The following RP1 variants were observed in gnomAD, a reference collection of about 807,000 sequenced individuals.
RP1 encodes the protein oxygen-regulated protein 1.
A neutral mutation model predicts 14.8 loss-of-function variants in RP1; 16 were observed. The observed-to-expected ratio is 1.08, with a 90% CI of 0.73 to 1.65. The LOEUF (loss-of-function observed/expected upper bound fraction) is 1.65, where lower values mean the gene tolerates loss of function less well. Among genes scored for constraint, RP1 ranks in the 40% most tolerant of loss-of-function variants. The pLI, the probability that RP1 is intolerant of heterozygous loss-of-function variation, is 0.00. For synonymous variants in RP1, 876 were observed against 883.6 expected (o/e 0.99, Z 0.15); for missense variants, 2,631 against 2,535.0 (o/e 1.04, Z -0.81).
chr8:54,793,054 A>T (rs1292413560), intron 24 of RP1, among the ~76,000 whole-genome samples: 2 of 151,904 alleles, frequency 1.3e-5, no homozygotes, highest in Non-Finnish European at 2.9e-5. Flanking sequence ...ACTGCTATGA[A>T]CTATTATGTG....
At chr8:54,803,293 G>C (rs1267114951) in intron 24 of RP1, among the ~76,000 whole-genome samples, 1 of 152,192 alleles carries the variant, frequency 6.6e-6, no homozygotes, top group Non-Finnish European at 1.5e-5. Context: ...GGACTGGAGA[G>C]AGACACGTAG....
At chr8:54,571,530 G>A (rs2129293257) in intron 1 of RP1, among the ~76,000 whole-genome samples, 1 of 152,324 alleles carries the variant, frequency 6.6e-6, no homozygotes, top group African/African-American at 2.4e-5. Context: ...CTGTATGGCA[G>A]CATGGATGGT....
At chr8:54,794,400 C>G (rs1490231013) in intron 24 of RP1, among the ~76,000 whole-genome samples, 1 of 131,772 alleles carries the variant, frequency 7.6e-6, no homozygotes, top group East Asian at 2.0e-4. Flanking sequence ...ATCAAGAGCC[C>G]AGAAATAAAC....
intron 28 of RP1, among the ~76,000 whole-genome samples, chr8:54,868,217 C>T (rs1358563695): frequency 6.6e-6 from 1 of 152,060 alleles, no homozygotes; most frequent in Non-Finnish European, 1.5e-5. Flanking sequence ...TGACTTATTT[C>T]TACATTTTAG....
At chr8:54,714,964 G>T (rs1412884566) in intron 15 of RP1, among the ~76,000 whole-genome samples, 1 of 152,258 alleles carries the variant, frequency 6.6e-6, no homozygotes, top group Non-Finnish European at 1.5e-5. Context: ...TTGGAAAAGA[G>T]AAGGCATAAT....
intron 24 of RP1, among the ~76,000 whole-genome samples, chr8:54,837,255 G>C (rs1290308795): frequency 4.6e-5 from 7 of 152,102 alleles, no homozygotes; most frequent in Non-Finnish European, 8.8e-5. Context: ...TTAATTTATT[G>C]GTTTTTCCAT....
chr8:54,758,441 T>TGAAGGAGGGAGG (rs1458729730), intron 21 of RP1, among the ~76,000 whole-genome samples: 1 of 121,796 alleles, frequency 8.2e-6, no homozygotes, highest in Non-Finnish European at 1.6e-5. Flanking sequence ...AAGGATGTAT[T>TGAAGGAGGGAGG]GAAGGAGGGA....
intron 24 of RP1, among the ~76,000 whole-genome samples, chr8:54,815,080 A>G (rs1180600736): frequency 1.3e-5 from 2 of 152,270 alleles, no homozygotes; most frequent in African/African-American, 2.4e-5. Context: ...TGGTTTAAGA[A>G]CTAATTTCAA....
chr8:54,618,783 G>T (rs1805787695), intron 1 of RP1, among the ~76,000 whole-genome samples: 1 of 152,042 alleles, frequency 6.6e-6, no homozygotes, highest in Non-Finnish European at 1.5e-5. Context: ...AGCCTCCCGA[G>T]TAGAGTAGCT....
chr8:54,845,457 G>A lies in RP1; in HGVS notation c.3836-7117G>A, dbSNP rs145558140. On this transcript the variant is annotated intron_variant, in intron 25 of 28. Transcript: ENST00000637698. ...ACATGAGCCCTGCCCCTAGGAACAC[G>A]GGAGTTAGGAGCAGGGAAACCAAGA... 1.4e-4 allele frequency among the ~76,000 whole-genome samples: 21 copies of A among 152,242 alleles called. No homozygotes were observed. In the East Asian group the frequency reaches 2.7e-3, roughly 20 times the overall value.
intron 22 of RP1, among the ~76,000 whole-genome samples, chr8:54,768,372 T>C (rs887985129): frequency 6.6e-6 from 1 of 152,216 alleles, no homozygotes; most frequent in South Asian, 2.1e-4. Context: ...TACATTTATA[T>C]CTTTACATAT....
chr8:54,685,967 A>G (rs1251499862), intron 12 of RP1, among the ~76,000 whole-genome samples: 1 of 152,208 alleles, frequency 6.6e-6, no homozygotes, highest in Non-Finnish European at 1.5e-5. Flanking sequence ...TGAATCTCCA[A>G]CCAGCAGCCA....
chr8:54,744,481 A>G (rs796830780), intron 19 of RP1, among the ~76,000 whole-genome samples: 6 of 152,322 alleles, frequency 3.9e-5, no homozygotes, highest in African/African-American at 1.4e-4. Flanking sequence ...TGCAAAGCTG[A>G]AATAGTTTCC....
At chr8:54,624,174 G>A (rs1805958022) in intron 3 of RP1, among the ~76,000 whole-genome samples, 1 of 152,020 alleles carries the variant, frequency 6.6e-6, no homozygotes, top group African/African-American at 2.4e-5. Context: ...GAGCGTGGTG[G>A]CTCAAGCCTG....
At chr8:54,747,958 C>T (rs1809268646) in intron 19 of RP1, among the ~76,000 whole-genome samples, 1 of 152,208 alleles carries the variant, frequency 6.6e-6, no homozygotes, top group African/African-American at 2.4e-5. Context: ...CTCTGCAGCA[C>T]ATGTTTGCTA....
chr8:54,698,496 A>G (rs915066757), intron 12 of RP1, among the ~76,000 whole-genome samples: 2 of 152,236 alleles, frequency 1.3e-5, no homozygotes, highest in Non-Finnish European at 2.9e-5. Context: ...TCAAGGATCT[A>G]GAACTAGAAA....
intron 1 of RP1, among the ~76,000 whole-genome samples, chr8:54,608,644 T>A (rs1363724522): frequency 6.6e-6 from 1 of 152,172 alleles, no homozygotes; most frequent in Non-Finnish European, 1.5e-5. Context: ...CATTTTCCTA[T>A]AACAAACCTG....
intron 23 of RP1, among the ~76,000 whole-genome samples, chr8:54,779,837 C>T (rs997339217): frequency 5.3e-5 from 8 of 152,098 alleles, no homozygotes; most frequent in African/African-American, 1.9e-4. Flanking sequence ...GAAATGCTAA[C>T]GGTATTTATA....
At chr8:54,613,437 A>G (rs1264110311), upstream of RP1, among the ~76,000 whole-genome samples, 1 of 152,230 alleles carries the variant, frequency 6.6e-6, no homozygotes, top group African/African-American at 2.4e-5. Flanking sequence ...TAAGGCAGGC[A>G]GAGGATCATT....
Sources: allele counts gnomAD v4.1 joint callset (sites outside exome capture counted in the v4.1 genomes callset), GRCh38; gene constraint gnomAD v4.1.1; transcripts MANE v1.5; gene names NCBI Gene and HGNC (gene_info 2026-07-23, HGNC 2026-07-21).